SULT1E1: variants seen among roughly 807,000 people sequenced by gnomAD.
SULT1E1 encodes sulfotransferase family 1E member 1.
Under a neutral mutation model 33.6 loss-of-function variants are expected in SULT1E1, and 36 were observed. That is an observed-to-expected ratio of 1.07 (90% CI 0.82 to 1.41). The LOEUF is 1.41. Among genes scored for constraint, SULT1E1 ranks in the 40% most tolerant of loss-of-function variants. The probability of loss-of-function intolerance (pLI) is 0.00; values close to 1 mark genes in which losing one functional copy is unlikely to be tolerated. For missense variants in SULT1E1, 371 were observed against 345.7 expected (o/e 1.07, Z -0.58); for synonymous variants, 121 against 111.7 (o/e 1.08, Z -0.53).
chr4:69,858,318 G>T (rs1721292206), intron 1 of SULT1E1, among the ~76,000 whole-genome samples: 1 of 152,068 alleles, frequency 6.6e-6, no homozygotes, highest in Admixed American at 6.6e-5. Context: ...CCCATTGAAT[G>T]ACTTGGCTAA....
At chr4:69,832,266 C>A in the SULT1E1 span, among the ~76,000 whole-genome samples, 2 of 152,158 alleles carry the variant, frequency 1.3e-5, no homozygotes, top group Non-Finnish European at 2.9e-5. Context: ...TGAGGTTCTC[C>A]CAGTGGCATG....
chr4:69,841,304 A>G lies in SULT1E1; in HGVS notation c.*690T>C, dbSNP rs1272309996. 1 of 152,214 alleles carries G rather than the reference A, an allele frequency of 6.6e-6. No homozygotes were observed. The highest frequency in any genetic ancestry group is 1.9e-4 in the East Asian group (1 of 5,196). The allele number at this position is 152,214 out of a possible 1,614,324, so 9.4% of individuals were successfully genotyped here. A position where few individuals can be genotyped will look rare whatever the true frequency, so the allele number is the denominator to read the frequency against. On this transcript the variant is annotated 3_prime_UTR_variant, in exon 8 of 8. Transcript: ENST00000226444. The stretch of plus-strand genomic sequence containing the variant: ...TTCCCATAGGTTATAGTTGTGCATG[A>G]TATTTATAAAAAATAGAAAAGAAGA...
At chr4:69,827,549 A>T in the SULT1E1 span, among the ~76,000 whole-genome samples, 1 of 152,134 alleles carries the variant, frequency 6.6e-6, no homozygotes, top group Middle Eastern at 3.2e-3. Context: ...CCTTAAGGAA[A>T]TATGCTCCCC....
the SULT1E1 span, among the ~76,000 whole-genome samples, chr4:69,826,005 G>T: frequency 2.6e-5 from 4 of 152,030 alleles, no homozygotes; most frequent in African/African-American, 7.2e-5. Flanking sequence ...CATAATTTTT[G>T]CCCAAAGCCC....
chr4:69,836,389 C>G (rs1445720374), downstream of SULT1E1, among the ~76,000 whole-genome samples: 1 of 152,142 alleles, frequency 6.6e-6, no homozygotes, highest in Non-Finnish European at 1.5e-5. Flanking sequence ...CTTATAGAGA[C>G]ATTCTAAGGT....
the SULT1E1 span, among the ~76,000 whole-genome samples, chr4:69,832,413 G>A: frequency 1.3e-5 from 2 of 152,214 alleles, no homozygotes; most frequent in East Asian, 3.9e-4. Context: ...AGACCTCGGA[G>A]TAAAGCAGGA....
chr4:69,834,315 G>A, the SULT1E1 span, among the ~76,000 whole-genome samples: 118 of 152,240 alleles, frequency 7.8e-4, no homozygotes, highest in African/African-American at 2.7e-3. Context: ...TCCATACCCT[G>A]CCTCAAACAA....
chr4:69,859,099 T>C (rs148179261), intron 1 of SULT1E1, among the ~76,000 whole-genome samples: 656 of 152,282 alleles, frequency 4.3e-3, no homozygotes, highest in Non-Finnish European at 6.7e-3. Flanking sequence ...TCTCAAAAGA[T>C]CTATTTCAGT....
At chr4:69,831,116 A>C in the SULT1E1 span, among the ~76,000 whole-genome samples, 251 of 152,304 alleles carry the variant, frequency 1.6e-3, 1 homozygote, top group African/African-American at 5.6e-3. Flanking sequence ...CCTTGTGGGC[A>C]GCTGGGGCAG....
intron 1 of SULT1E1, 138 bp from the exon 2 acceptor site, chr4:69,857,791 T>C (rs1419528261): frequency 1.5e-6 from 1 of 651,660 alleles, no homozygotes. Context: ...CATAGTAAAG[T>C]TGCATATCAA....
At chr4:69,823,084 G>A in the SULT1E1 span, among the ~76,000 whole-genome samples, 1 of 152,178 alleles carries the variant, frequency 6.6e-6, no homozygotes, top group Non-Finnish European at 1.5e-5. Flanking sequence ...GGGTAAAGCA[G>A]GAGAATCTTT....
At position 69,847,262 on chromosome 4, in the gene SULT1E1, T is replaced by C. The variant is rs547374663; in HGVS notation, c.591+436A>G. Among the ~76,000 whole-genome samples the C allele has an allele frequency of 1.1e-4, 17 of 151,808 alleles. No individual in the cohort carries two copies. In the South Asian group the frequency reaches 3.5e-3, roughly 31 times the overall value. ...TCAATTTTAATAGTTTTTGTTTCTT[T>C]GTAATTTTTAAAATTTCATCTTTTA... On this transcript the variant is annotated intron_variant, in intron 6 of 7. Transcript: ENST00000226444.
rs772834116 is a variant in SULT1E1 at position 69,844,200 on chromosome 4, C to T, written c.733G>A (p.Glu245Lys). 84 of 1,613,822 alleles carry T rather than the reference C, an allele frequency of 5.2e-5. No homozygotes were observed. Among genetic ancestry groups the T allele is most frequent in the Admixed American group, 1.8e-4 (11 of 59,992 alleles). Residue 245 changes from glutamate to lysine, a missense_variant, in exon 7 of 8, where the codon GAA (glutamate) becomes AAA (lysine). Transcript: ENST00000226444. ...PSTNYTTLPDEIMNQKLSPFM... is the reference protein window; with the variant it reads ...PSTNYTTLPDKIMNQKLSPFM... ...GGCGACAATTTCTGGTTCATAATTT[C>T]GTCTGGCAGTGTTGTGTAATTTGTG...
chr4:69,823,224 A>G, the SULT1E1 span, among the ~76,000 whole-genome samples: 1 of 152,188 alleles, frequency 6.6e-6, no homozygotes, highest in Admixed American at 6.5e-5. Flanking sequence ...AAAGGCACTT[A>G]ATCAGGCTAT....
At chr4:69,845,630 C>T (rs11573783) in intron 6 of SULT1E1, among the ~76,000 whole-genome samples, 33,479 of 150,906 alleles carry the variant, frequency 0.22, 4,548 homozygotes, top group Non-Finnish European at 0.31. Context: ...CTACTGGATA[C>T]ATTGTAGAAA....
chr4:69,855,522 A>G (rs892552660), intron 2 of SULT1E1, 96 bp from the exon 3 acceptor site: 12 of 1,251,362 alleles, frequency 9.6e-6, no homozygotes, highest in African/African-American at 4.5e-5. Flanking sequence ...GAAGGTACCA[A>G]TGCAATACTA....
downstream of SULT1E1, among the ~76,000 whole-genome samples, chr4:69,839,460 G>A (rs2110063449): frequency 6.6e-6 from 1 of 152,256 alleles, no homozygotes. Context: ...ATTTATGAGG[G>A]CAGATTAATT....
chr4:69,821,384 T>TA, the SULT1E1 span, among the ~76,000 whole-genome samples: 2 of 152,166 alleles, frequency 1.3e-5, no homozygotes, highest in East Asian at 1.9e-4. Flanking sequence ...CTATACCTTA[T>TA]AAAAAATCTT....
chr4:69,854,355 T>A (rs1196850961), intron 3 of SULT1E1, 41 bp from the exon 4 acceptor site: 1 of 1,296,976 alleles, frequency 7.7e-7, no homozygotes, highest in East Asian at 2.3e-5. Context: ...CTTCAAAAAT[T>A]GTAACTATTT....
Sources: gnomAD v4.1 joint callset for allele counts (sites outside exome capture counted in the v4.1 genomes callset) on GRCh38, gnomAD v4.1.1 for gene constraint, MANE v1.5 for transcripts, NCBI Gene and HGNC (gene_info 2026-07-23, HGNC 2026-07-21) for gene names.